The following EGFR variants were observed in gnomAD, a reference collection of about 807,000 sequenced individuals.
EGFR encodes epidermal growth factor receptor.
EGFR carries 58 observed loss-of-function variants against 143.0 expected under a neutral mutation model. The ratio of observed to expected loss-of-function variants is 0.41; its 90% CI spans 0.33 to 0.50. The LOEUF (loss-of-function observed/expected upper bound fraction) is 0.50, where lower values mean the gene tolerates loss of function less well. Ranked by LOEUF, EGFR falls within the 20% of genes least tolerant of loss-of-function variation. The pLI, the probability that EGFR is intolerant of heterozygous loss-of-function variation, is 0.39. For synonymous variants in EGFR, 613 were observed against 594.4 expected, an observed-to-expected ratio of 1.03 and a Z score of -0.45; for missense variants, 1,307 against 1,579.0, an observed-to-expected ratio of 0.83 and a Z score of 2.92.
intron 21 of EGFR, 37 bp downstream of exon 21, chr7:55,191,911 G>C (rs372812795): frequency 6.2e-7 from 1 of 1,611,046 alleles, no homozygotes; most frequent in Non-Finnish European, 8.5e-7. Context: ...GCATTTTCCT[G>C]ACACCAGGGA....
At chr7:55,172,779 A>G (rs1786409497) in intron 16 of EGFR, 2 of 1,443,334 alleles carry the variant, frequency 1.4e-6, no homozygotes, top group Non-Finnish European at 1.9e-6. Context: ...TGTGCCTGGT[A>G]GGGGACTGGG....
intron 1 of EGFR, among the ~76,000 whole-genome samples, chr7:55,030,391 T>C (rs1473747781): frequency 6.6e-6 from 1 of 152,248 alleles, no homozygotes; most frequent in Non-Finnish European, 1.5e-5. Flanking sequence ...TTTTTTGTTA[T>C]GAAGTAGTTT....
chr7:55,186,763 T>C (rs1482940817), intron 20 of EGFR, among the ~76,000 whole-genome samples: 1 of 152,188 alleles, frequency 6.6e-6, no homozygotes, highest in African/African-American at 2.4e-5. Context: ...TAAGACAAAA[T>C]TTCTTATCTC....
intron 15 of EGFR, among the ~76,000 whole-genome samples, chr7:55,168,824 T>C (rs1786200525): frequency 6.6e-6 from 1 of 152,170 alleles, no homozygotes; most frequent in Non-Finnish European, 1.5e-5. Context: ...CAAGTGTTGA[T>C]GAGAGGGAAA....
At chr7:55,123,829 G>C (rs973728217) in intron 1 of EGFR, among the ~76,000 whole-genome samples, 3 of 152,044 alleles carry the variant, frequency 2.0e-5, no homozygotes, top group Admixed American at 6.6e-5. Flanking sequence ...TTAAATCTCT[G>C]TGTGTGTGTG....
At chr7:55,109,770 C>T (rs2128906951) in intron 1 of EGFR, 2 of 985,394 alleles carry the variant, frequency 2.0e-6, no homozygotes, top group Middle Eastern at 1.0e-3. Flanking sequence ...GACAAAAGGG[C>T]CTGTCTGGTG....
intron 22 of EGFR, among the ~76,000 whole-genome samples, chr7:55,195,077 C>A (rs1388298778): frequency 6.6e-6 from 1 of 152,174 alleles, no homozygotes; most frequent in Non-Finnish European, 1.5e-5. Context: ...GTTCCAAAAT[C>A]TAATAACCTG....
At chr7:55,151,159 C>A in intron 4 of EGFR, 135 bp from the exon 5 acceptor site, 1 of 889,354 alleles carries the variant, frequency 1.1e-6, no homozygotes, top group East Asian at 2.5e-5. Flanking sequence ...TACAAACCAG[C>A]CAGCCAAACA....
intron 1 of EGFR, among the ~76,000 whole-genome samples, chr7:55,020,138 AC>A (rs1233705196): frequency 6.6e-6 from 1 of 151,618 alleles, no homozygotes. Context: ...GTGGGGTCCG[AC>A]CCGCCCCTTG....
Position 55,143,454 on chromosome 7 carries a change from C to T in EGFR, c.390C>T (p.Thr130=), listed in dbSNP as rs766093262. The part of the protein sequence containing the change: ...AVLSNYDANK[T]GLKELPMRNL... ...TATCTAACTATGATGCAAATAAAAC[C>T]GGACTGAAGGAGCTGCCCATGAGAA... Residue 130 remains threonine (T), a synonymous_variant, in exon 3 of 28, where the codon ACC becomes ACT. Transcript: ENST00000275493. The T allele has an allele frequency of 4.3e-5, 69 of 1,614,034 alleles. No homozygotes were observed. Among genetic ancestry groups the T allele is most frequent in the African/African-American group, 2.0e-4 (15 of 74,912 alleles).
At chr7:55,053,708 C>T (rs1034700686) in intron 1 of EGFR, among the ~76,000 whole-genome samples, 1 of 152,248 alleles carries the variant, frequency 6.6e-6, no homozygotes, top group Non-Finnish European at 1.5e-5. Flanking sequence ...TAGCCCTTGC[C>T]GGGCCAGGCC....
At chr7:55,172,916 G>A (rs1786417068) in intron 16 of EGFR, 67 bp from the exon 17 acceptor site, 5 of 1,613,476 alleles carry the variant, frequency 3.1e-6, no homozygotes, top group African/African-American at 1.3e-5. Flanking sequence ...GCAGGGGCGT[G>A]TTGAGTGCCA....
chr7:55,145,166 T>C (rs1794697640), intron 3 of EGFR, among the ~76,000 whole-genome samples: 1 of 152,182 alleles, frequency 6.6e-6, no homozygotes. Flanking sequence ...TGTGGTGTGC[T>C]GAAGGCCCAG....
chr7:55,169,090 G>A (rs1340485910), intron 15 of EGFR, among the ~76,000 whole-genome samples: 1 of 151,810 alleles, frequency 6.6e-6, no homozygotes, highest in Non-Finnish European at 1.5e-5. Context: ...GAACCCTGGA[G>A]GAATAGCTAT....
intron 1 of EGFR, among the ~76,000 whole-genome samples, chr7:55,120,939 C>T (rs372846169): frequency 2.0e-5 from 3 of 152,212 alleles, no homozygotes; most frequent in South Asian, 2.1e-4. Context: ...AACTGTTTTC[C>T]GGTAGAGTGA....
chr7:55,041,984 A>T lies in EGFR; in HGVS notation c.88+22619A>T, dbSNP rs1039597232. ...TTCTGCAGCATTCACCAGCACCAAA[A>T]AGCTCAGAGACATATATTTCTTTCT... is the stretch of plus-strand genomic sequence containing the variant. On this transcript the variant is annotated intron_variant, in intron 1 of 27. Transcript: ENST00000275493. Among the ~76,000 whole-genome samples, 5 of 152,324 alleles carry T rather than the reference A, an allele frequency of 3.3e-5. No homozygotes were observed. In the South Asian group the frequency reaches 1.0e-3, roughly 32 times the overall value.
intron 1 of EGFR, among the ~76,000 whole-genome samples, chr7:55,071,295 G>C (rs946532929): frequency 6.6e-5 from 10 of 152,188 alleles, no homozygotes; most frequent in African/African-American, 2.4e-4. Flanking sequence ...AATTGCCTTT[G>C]TATATTTTCA....
At position 55,191,851 on chromosome 7, in the gene EGFR, G is replaced by A. The variant is rs104886013; in HGVS notation, c.2602G>A (p.Glu868Lys). 6.2e-7 allele frequency: 1 copy of A among 1,613,862 alleles called. No individual in the cohort carries two copies. The highest frequency in any genetic ancestry group is 8.5e-7 in the Non-Finnish European group (1 of 1,180,034). Residue 868 changes from glutamate (E) to lysine (K), a missense_variant, in exon 21 of 28, where the codon GAA becomes AAA. Glu to Lys is a moderately conservative substitution (Grantham distance 56, BLOSUM62 1). Coordinates refer to ENST00000275493, the MANE Select transcript of EGFR (RefSeq NM_005228.5). Reference sequence around the variant, plus strand: ...CAAACTGCTGGGTGCGGAAGAGAAAGAATACCATGCAGAAGGAGGCAAAGT... The same window carrying A: ...CAAACTGCTGGGTGCGGAAGAGAAAAAATACCATGCAGAAGGAGGCAAAGT... ...LAKLLGAEEKEYHAEGGKVPI... is the reference protein window; with the variant it reads ...LAKLLGAEEKKYHAEGGKVPI...
intron 8 of EGFR, among the ~76,000 whole-genome samples, chr7:55,156,174 C>G (rs1293155791): frequency 6.6e-6 from 1 of 152,218 alleles, no homozygotes; most frequent in African/African-American, 2.4e-5. Context: ...GAGCCAGCCC[C>G]GCTCAGCAGC....
Sources: allele counts gnomAD v4.1 joint callset (sites outside exome capture counted in the v4.1 genomes callset), GRCh38; gene constraint gnomAD v4.1.1; transcripts MANE v1.5; gene names NCBI Gene and HGNC (gene_info 2026-07-23, HGNC 2026-07-21).